RNASE10: variants seen among roughly 807,000 people sequenced by gnomAD.
RNASE10 encodes the protein ribonuclease A family member 10 (inactive).
Under a neutral mutation model 1.1 loss-of-function variants are expected in RNASE10, and 2 were observed. That is an observed-to-expected ratio of 1.82 (90% CI 0.74 to 5.73). The LOEUF (loss-of-function observed/expected upper bound fraction) is 5.73. Among genes scored for constraint, RNASE10 ranks in the 30% most tolerant of loss-of-function variants. RNASE10 has a pLI of 0.05. For missense variants in RNASE10, 276 were observed against 263.4 expected (o/e 1.05, Z -0.33); for synonymous variants, 97 against 96.2 (o/e 1.01, Z -0.05).
At chr14:20,512,902 G>A (rs534600224), downstream of RNASE10, among the ~76,000 whole-genome samples, 2 of 152,302 alleles carry the variant, frequency 1.3e-5, no homozygotes, top group South Asian at 2.1e-4. Flanking sequence ...ATGAGAAATA[G>A]GATGGGAAGA....
At chr14:20,511,930 A>G (rs1393781983), downstream of RNASE10, among the ~76,000 whole-genome samples, 1 of 151,890 alleles carries the variant, frequency 6.6e-6, no homozygotes, top group African/African-American at 2.4e-5. Context: ...CAGTCAGCCG[A>G]TACTGATCAC....
Position 20,508,150 on chromosome 14 carries a change from T to C in RNASE10, c.79+2131T>C, listed in dbSNP as rs184708217. On this transcript the variant is annotated intron_variant, in intron 1 of 1. Transcript: ENST00000430083. ...CCGAAGCATTTGAGAGTATATTGCATATGTTGTGCTCTTTTCCTGCTTAAT... is the reference window on the plus strand; with the variant it reads ...CCGAAGCATTTGAGAGTATATTGCACATGTTGTGCTCTTTTCCTGCTTAAT... Among the ~76,000 whole-genome samples the C allele has an allele frequency of 2.6e-5, 4 of 152,324 alleles. No homozygotes were observed. In the East Asian group the frequency reaches 7.7e-4, roughly 29 times the overall value.
intron 1 of RNASE10, among the ~76,000 whole-genome samples, chr14:20,507,551 A>T (rs1309505033): frequency 2.1e-5 from 3 of 141,174 alleles, no homozygotes; most frequent in Non-Finnish European, 4.6e-5. Context: ...CCTTCCCTCC[A>T]CTATTGTCCT....
At chr14:20,506,932 A>AG (rs1424602794) in intron 1 of RNASE10, among the ~76,000 whole-genome samples, 22 of 117,126 alleles carry the variant, frequency 1.9e-4, no homozygotes, top group Admixed American at 4.4e-4. Flanking sequence ...CCCGTCCGGG[A>AG]GGGGGGAGGG....
At chr14:20,508,257 T>A (rs1882804095) in intron 1 of RNASE10, among the ~76,000 whole-genome samples, 1 of 152,212 alleles carries the variant, frequency 6.6e-6, no homozygotes, top group Non-Finnish European at 1.5e-5. Flanking sequence ...ATCAAATACA[T>A]ATATACAGTG....
chr14:20,512,729 G>A (rs982425219), downstream of RNASE10, among the ~76,000 whole-genome samples: 1 of 152,140 alleles, frequency 6.6e-6, no homozygotes, highest in African/African-American at 2.4e-5. Context: ...TAATAATAGT[G>A]GACAGGAGGT....
intron 1 of RNASE10, among the ~76,000 whole-genome samples, chr14:20,506,696 C>T (rs551381387): frequency 0.018 from 1,870 of 105,058 alleles, 22 homozygotes; most frequent in Admixed American, 0.03. Flanking sequence ...GGCCAGCCGC[C>T]CCGTCCGGGA....
chr14:20,504,930 C>G (rs1882652035), upstream of RNASE10, among the ~76,000 whole-genome samples: 1 of 152,048 alleles, frequency 6.6e-6, no homozygotes, highest in South Asian at 2.1e-4. Flanking sequence ...GCCACACGTA[C>G]ACACCACTGC....
downstream of RNASE10, chr14:20,511,276 T>G: frequency 1.8e-6 from 1 of 548,342 alleles, no homozygotes; most frequent in South Asian, 4.1e-5. Context: ...TTCCTAGGAT[T>G]AGAGATGGTA....
At chr14:20,504,662 T>G (rs1882644280), upstream of RNASE10, among the ~76,000 whole-genome samples, 1 of 127,904 alleles carries the variant, frequency 7.8e-6, no homozygotes, top group South Asian at 2.5e-4. Flanking sequence ...CACTCCAGCC[T>G]GGGCGACAGA....
intron 1 of RNASE10, among the ~76,000 whole-genome samples, chr14:20,507,566 C>T (rs1307438337): frequency 7.0e-6 from 1 of 141,908 alleles, no homozygotes; most frequent in Non-Finnish European, 1.5e-5. Context: ...TGTCCTATGA[C>T]CCTGCCAAAT....
chr14:20,507,671 T>C (rs1882787415), intron 1 of RNASE10, among the ~76,000 whole-genome samples: 2 of 151,872 alleles, frequency 1.3e-5, no homozygotes, highest in East Asian at 3.8e-4. Context: ...GTGATAATAA[T>C]TCATGGAACT....
At chr14:20,507,453 A>G (rs1487898392) in intron 1 of RNASE10, among the ~76,000 whole-genome samples, 1 of 134,598 alleles carries the variant, frequency 7.4e-6, no homozygotes, top group Non-Finnish European at 1.6e-5. Context: ...CCTAATCTTA[A>G]GTACCCAGGG....
intron 1 of RNASE10, among the ~76,000 whole-genome samples, chr14:20,507,072 G>A (rs1882759415): frequency 6.6e-6 from 1 of 150,794 alleles, no homozygotes; most frequent in East Asian, 1.9e-4. Context: ...ACTGGGAAGT[G>A]AGGAGCCCCT....
intron 1 of RNASE10, among the ~76,000 whole-genome samples, chr14:20,509,052 C>G (rs1265274798): frequency 6.6e-6 from 1 of 152,024 alleles, no homozygotes; most frequent in Non-Finnish European, 1.5e-5. Flanking sequence ...AAGATGCATG[C>G]TCAGCTCTCC....
chr14:20,507,191 A>G (rs2139366990), intron 1 of RNASE10, among the ~76,000 whole-genome samples: 2 of 143,550 alleles, frequency 1.4e-5, no homozygotes, highest in East Asian at 2.0e-4. Flanking sequence ...GGTGGGGAAA[A>G]AATTGAGAAA....
downstream of RNASE10, among the ~76,000 whole-genome samples, chr14:20,513,678 CTG>C (rs1183897962): frequency 2.0e-5 from 3 of 152,294 alleles, no homozygotes; most frequent in East Asian, 5.8e-4. Context: ...GGAAATATCA[CTG>C]TGTTTTGTTA....
chr14:20,508,873 TC>T (rs1169629689), intron 1 of RNASE10, among the ~76,000 whole-genome samples: 2 of 152,096 alleles, frequency 1.3e-5, no homozygotes, highest in African/African-American at 4.8e-5. Flanking sequence ...TTCACTGGGG[TC>T]TTGGAACATA....
At chr14:20,513,222 T>C (rs1192542907), downstream of RNASE10, among the ~76,000 whole-genome samples, 2 of 150,174 alleles carry the variant, frequency 1.3e-5, no homozygotes, top group African/African-American at 5.1e-5. Context: ...TGTTTTGTTT[T>C]GTTTTTGTTT....
Sources: gnomAD v4.1 joint callset for allele counts (sites outside exome capture counted in the v4.1 genomes callset) on GRCh38, gnomAD v4.1.1 for gene constraint, MANE v1.5 for transcripts, NCBI Gene and HGNC (gene_info 2026-07-23, HGNC 2026-07-21) for gene names.